The following GPC6 variants were observed in gnomAD, a reference collection of about 807,000 sequenced individuals.
The protein encoded by GPC6 is glypican 6, also known as glypican-6.
In GPC6, 14 loss-of-function variants were observed where a neutral mutation model predicts 55.2. The ratio of observed to expected loss-of-function variants is 0.25; its 90% confidence interval spans 0.17 to 0.40. The LOEUF (loss-of-function observed/expected upper bound fraction) is 0.40, where lower values mean the gene tolerates loss of function less well. Ranked by LOEUF, GPC6 falls within the 10% of genes least tolerant of loss-of-function variation. The pLI is 1.00. For synonymous variants in GPC6, 278 were observed against 259.6 expected, an observed-to-expected ratio of 1.07 and a Z score of -0.68; for missense variants, 641 against 708.5, an observed-to-expected ratio of 0.90 and a Z score of 1.08.
At chr13:94,247,575 TTACA>T (rs1306750449) in intron 4 of GPC6, among the ~76,000 whole-genome samples, 34 of 152,278 alleles carry the variant, frequency 2.2e-4, no homozygotes. Context: ...TTGAACTTTG[TTACA>T]TATTTTTTCT....
intron 1 of GPC6, among the ~76,000 whole-genome samples, chr13:93,256,274 A>C (rs1319480614): frequency 1.3e-5 from 2 of 152,112 alleles, no homozygotes; most frequent in African/African-American, 4.8e-5. Flanking sequence ...TTGGAAAAAA[A>C]TAAGACAGAA....
chr13:93,330,484 G>A (rs1408910183), intron 1 of GPC6, among the ~76,000 whole-genome samples: 4 of 151,656 alleles, frequency 2.6e-5, no homozygotes, highest in Admixed American at 6.6e-5. Context: ...TCATGATGGC[G>A]CCACTGTACT....
At chr13:93,332,124 G>A (rs569593109) in intron 1 of GPC6, among the ~76,000 whole-genome samples, 2 of 152,166 alleles carry the variant, frequency 1.3e-5, no homozygotes, top group Admixed American at 1.3e-4. Flanking sequence ...ACACTTGGTT[G>A]ATTCCATATT....
chr13:94,192,480 G>A (rs1051116025), intron 4 of GPC6, among the ~76,000 whole-genome samples: 1 of 152,132 alleles, frequency 6.6e-6, no homozygotes, highest in African/African-American at 2.4e-5. Flanking sequence ...TCAAGGGAAA[G>A]GGTACCACGT....
At chr13:93,245,448 A>G (rs1014466001) in intron 1 of GPC6, among the ~76,000 whole-genome samples, 1 of 152,076 alleles carries the variant, frequency 6.6e-6, no homozygotes, top group Non-Finnish European at 1.5e-5. Flanking sequence ...GAGCTTCCTA[A>G]ACTTTACTAT....
chr13:94,099,661 C>T (rs1885786861), intron 4 of GPC6, among the ~76,000 whole-genome samples: 1 of 151,928 alleles, frequency 6.6e-6, no homozygotes, highest in East Asian at 1.9e-4. Context: ...TAAAAGTTTG[C>T]TATTTTATCT....
At chr13:93,938,530 G>C (rs1000656224) in intron 3 of GPC6, among the ~76,000 whole-genome samples, 17 of 151,950 alleles carry the variant, frequency 1.1e-4, no homozygotes, top group Admixed American at 3.9e-4. Context: ...ATGGTATGAA[G>C]AATACAAAAT....
chr13:94,177,015 G>A (rs1888800366), intron 4 of GPC6, among the ~76,000 whole-genome samples: 1 of 152,158 alleles, frequency 6.6e-6, no homozygotes, highest in African/African-American at 2.4e-5. Context: ...ACAGAAAAAT[G>A]AGAATAAACT....
chr13:93,298,128 G>A (rs1566285986), intron 1 of GPC6, among the ~76,000 whole-genome samples: 2 of 152,102 alleles, frequency 1.3e-5, no homozygotes, highest in South Asian at 4.1e-4. Context: ...CCATAAGGTG[G>A]ATATGCACAC....
Position 93,880,284 on chromosome 13 carries a change from T to C in GPC6, c.711+49739T>C, listed in dbSNP as rs971568163. ...TGCACACGTATGTTTATTGCGGCAT[T>C]ATTCACAATAGCAAAGACTTGGAAC... On this transcript the variant is annotated intron_variant, in intron 3 of 8. Coordinates refer to ENST00000377047, the MANE Select transcript of GPC6 (RefSeq NM_005708.5). Among the ~76,000 whole-genome samples, 22 of 152,070 alleles carry C rather than the reference T, an allele frequency of 1.4e-4. No individual in the cohort carries two copies. In the East Asian group the frequency reaches 4.3e-3, roughly 29 times the overall value.
chr13:93,507,486 T>C (rs1350466832), intron 1 of GPC6, among the ~76,000 whole-genome samples: 1 of 152,134 alleles, frequency 6.6e-6, no homozygotes, highest in African/African-American at 2.4e-5. Context: ...AAATAGCTAT[T>C]TATAGAAAAA....
chr13:93,728,300 T>C (rs1336264714), intron 2 of GPC6, among the ~76,000 whole-genome samples: 4 of 152,034 alleles, frequency 2.6e-5, no homozygotes, highest in African/African-American at 9.7e-5. Context: ...CATTGCAGCC[T>C]CAATTTCCCG....
intron 3 of GPC6, among the ~76,000 whole-genome samples, chr13:93,879,266 G>T (rs1874801224): frequency 6.6e-6 from 1 of 151,934 alleles, no homozygotes; most frequent in Non-Finnish European, 1.5e-5. Context: ...CAACTTCTTT[G>T]CCTTTGGTTT....
intron 3 of GPC6, among the ~76,000 whole-genome samples, chr13:93,998,606 G>A (rs1348418648): frequency 2.0e-5 from 3 of 152,006 alleles, no homozygotes; most frequent in African/African-American, 7.2e-5. Context: ...AAAACTTTTT[G>A]TTGTAAGTCA....
rs529968155 is a variant in GPC6, at chr13:94,366,103, G to A, written c.1153-16311G>A. ...CTATGAGCTTAACTGAATCACTGTG[G>A]TATGCCAATCACAGGTAGAAATAGA... is the stretch of plus-strand genomic sequence containing the variant. On this transcript the variant is annotated intron_variant, in intron 6 of 8. Coordinates refer to ENST00000377047, the MANE Select transcript of GPC6 (RefSeq NM_005708.5). Among the ~76,000 whole-genome samples the A allele has an allele frequency of 2.4e-4, 37 of 152,282 alleles. No homozygotes were observed. In the South Asian group the frequency reaches 4.8e-3, roughly 20 times the overall value.
intron 2 of GPC6, among the ~76,000 whole-genome samples, chr13:93,623,742 G>C (rs1285309203): frequency 6.6e-6 from 1 of 152,086 alleles, no homozygotes; most frequent in Non-Finnish European, 1.5e-5. Flanking sequence ...ACAGGCTTGG[G>C]CCACCGCGCC....
intron 4 of GPC6, among the ~76,000 whole-genome samples, chr13:94,156,931 T>C (rs1887968784): frequency 6.6e-6 from 1 of 152,200 alleles, no homozygotes; most frequent in African/African-American, 2.4e-5. Context: ...GCGAGGTTTC[T>C]TCCAGAGCTA....
intron 5 of GPC6, among the ~76,000 whole-genome samples, chr13:94,293,186 T>C (rs576972641): frequency 9.2e-5 from 14 of 152,290 alleles, no homozygotes; most frequent in African/African-American, 2.6e-4. Flanking sequence ...CTCTACCAAG[T>C]ACCAGGCACA....
intron 4 of GPC6, among the ~76,000 whole-genome samples, chr13:94,265,768 T>A (rs1891782257): frequency 6.6e-6 from 1 of 152,234 alleles, no homozygotes; most frequent in Non-Finnish European, 1.5e-5. Context: ...AAAAGGGCTG[T>A]CAGAACATAT....
Sources: allele counts gnomAD v4.1 joint callset (sites outside exome capture counted in the v4.1 genomes callset), GRCh38; gene constraint gnomAD v4.1.1; transcripts MANE v1.5; gene names NCBI Gene and HGNC (gene_info 2026-07-23, HGNC 2026-07-21).